DLGAP2: variants seen among roughly 807,000 people sequenced by gnomAD.
DLGAP2 encodes the protein DLG associated protein 2.
A neutral mutation model predicts 100.3 loss-of-function variants in DLGAP2; 26 were observed. That is an observed-to-expected ratio of 0.26 (90% CI 0.19 to 0.36). DLGAP2 has a LOEUF of 0.36. Ranked by LOEUF, DLGAP2 falls within the 10% of genes least tolerant of loss-of-function variation. The pLI, the probability that DLGAP2 is intolerant of heterozygous loss-of-function variation, is 1.00. For missense variants in DLGAP2, 1,858 were observed against 1,453.2 expected (o/e 1.28, Z -4.53); for synonymous variants, 886 against 630.1 (o/e 1.41, Z -6.08).
chr8:1,477,645 C>T (rs1236348690), intron 3 of DLGAP2, among the ~76,000 whole-genome samples: 1 of 152,228 alleles, frequency 6.6e-6, no homozygotes, highest in Non-Finnish European at 1.5e-5. Flanking sequence ...TTCTGCCCAT[C>T]TGCACCCAGG....
At chr8:1,056,882 C>T (rs1802897481) in intron 2 of DLGAP2, among the ~76,000 whole-genome samples, 1 of 152,214 alleles carries the variant, frequency 6.6e-6, no homozygotes, top group Admixed American at 6.5e-5. Flanking sequence ...TAGTAAATAG[C>T]ATTTCCCCCT....
At chr8:737,861 G>C (rs1389656687) in intron 1 of DLGAP2, 36 bp downstream of exon 1, 1 of 374,674 alleles carries the variant, frequency 2.7e-6, no homozygotes, top group South Asian at 1.3e-4. Flanking sequence ...AGCCGGGCGC[G>C]GGGCTCCGAG....
intron 3 of DLGAP2, among the ~76,000 whole-genome samples, chr8:1,368,158 A>G (rs1802150819): frequency 6.6e-6 from 1 of 152,044 alleles, no homozygotes. Context: ...TTTGTAGTGC[A>G]CATACGTGTG....
chr8:1,328,317 A>ATAT (rs953412358), intron 3 of DLGAP2, among the ~76,000 whole-genome samples: 6 of 145,356 alleles, frequency 4.1e-5, no homozygotes, highest in South Asian at 2.2e-4. Context: ...TGTACAGTTA[A>ATAT]TATTATTATT....
At chr8:826,896 G>A (rs967061572) in intron 1 of DLGAP2, among the ~76,000 whole-genome samples, 7 of 152,134 alleles carry the variant, frequency 4.6e-5, no homozygotes, top group Admixed American at 2.0e-4. Flanking sequence ...AGTCTTTCTC[G>A]TGAATGTTTT....
At chr8:1,322,189 A>G (rs538113837) in intron 3 of DLGAP2, among the ~76,000 whole-genome samples, 78 of 152,360 alleles carry the variant, frequency 5.1e-4, no homozygotes, top group African/African-American at 1.8e-3. Context: ...TTTAATTTTG[A>G]ATTAATTAGC....
intron 2 of DLGAP2, among the ~76,000 whole-genome samples, chr8:1,241,447 C>G (rs981374358): frequency 6.6e-6 from 1 of 152,220 alleles, no homozygotes; most frequent in Non-Finnish European, 1.5e-5. Context: ...GGAGCTCTCT[C>G]ACACCCTGAC....
chr8:1,318,253 T>C (rs1483649772), intron 3 of DLGAP2, among the ~76,000 whole-genome samples: 1 of 152,208 alleles, frequency 6.6e-6, no homozygotes, highest in Non-Finnish European at 1.5e-5. Flanking sequence ...AACTTTGATT[T>C]CTCCAAATCG....
intron 1 of DLGAP2, among the ~76,000 whole-genome samples, chr8:881,666 A>ATGTGTGTAT: frequency 7.6e-6 from 1 of 131,048 alleles, no homozygotes; most frequent in African/African-American, 2.7e-5. Flanking sequence ...CTTGTGGCTG[A>ATGTGTGTAT]ACACACACAC....
chr8:1,609,634 A>G (rs1796930482), intron 6 of DLGAP2, among the ~76,000 whole-genome samples: 1 of 120,746 alleles, frequency 8.3e-6, no homozygotes, highest in African/African-American at 2.8e-5. Flanking sequence ...TGCTGTATTC[A>G]GGAAACCCAT....
intron 2 of DLGAP2, chr8:1,247,096 G>A (rs1470828018): frequency 2.3e-3 from 437 of 187,860 alleles, no homozygotes; most frequent in African/African-American, 3.0e-3. Flanking sequence ...GTCGGTGGCC[G>A]GCAAGACCTT....
intron 2 of DLGAP2, among the ~76,000 whole-genome samples, chr8:1,254,999 C>T (rs557329382): frequency 8.9e-6 from 1 of 112,246 alleles, no homozygotes; most frequent in African/African-American, 4.8e-5. Flanking sequence ...TGTGTCCTCT[C>T]ATCCTGCTTG....
intron 2 of DLGAP2, among the ~76,000 whole-genome samples, chr8:1,156,066 G>A (rs973925232): frequency 2.6e-5 from 4 of 152,250 alleles, no homozygotes; most frequent in African/African-American, 7.2e-5. Flanking sequence ...TGCCCCTCCC[G>A]CCATTAAGCA....
At chr8:1,547,008 C>G (rs1191454107) in intron 4 of DLGAP2, among the ~76,000 whole-genome samples, 2 of 152,112 alleles carry the variant, frequency 1.3e-5, no homozygotes, top group Non-Finnish European at 2.9e-5. Flanking sequence ...GAGGACGGCA[C>G]ACAGCAAGGC....
At position 886,470 on chromosome 8, in the gene DLGAP2, C is replaced by G. The variant is rs189339352; in HGVS notation, c.19-21442C>G. On this transcript the variant is annotated intron_variant, in intron 1 of 14. Transcript: ENST00000637795. ...TCTTATAATTGCACTGTTGGGGTGT[C>G]TATCTGACATCTTTCTAACTTTCTG... is the stretch of plus-strand genomic sequence containing the variant. Among the ~76,000 whole-genome samples, 7 of 152,242 alleles carry G rather than the reference C, an allele frequency of 4.6e-5. No homozygotes were observed. The South Asian group carries it at 6.2e-4, about 14-fold the overall frequency.
intron 2 of DLGAP2, among the ~76,000 whole-genome samples, chr8:1,180,745 G>A (rs1797367598): frequency 6.6e-6 from 1 of 151,288 alleles, no homozygotes; most frequent in Admixed American, 6.6e-5. Context: ...TTGAGTCTGT[G>A]TGGGTGTGCC....
intron 4 of DLGAP2, among the ~76,000 whole-genome samples, chr8:1,532,467 T>G (rs1801016947): frequency 6.6e-6 from 1 of 152,190 alleles, no homozygotes; most frequent in South Asian, 2.1e-4. Flanking sequence ...GCAGTGTCTT[T>G]GTTTAAGAGT....
chr8:1,602,268 T>A (rs181405651), intron 6 of DLGAP2, among the ~76,000 whole-genome samples: 1 of 152,356 alleles, frequency 6.6e-6, no homozygotes, highest in Admixed American at 6.5e-5. Flanking sequence ...TTCTAATTAA[T>A]GACATTCTAG....
At chr8:1,387,192 C>T (rs1323200124) in intron 3 of DLGAP2, among the ~76,000 whole-genome samples, 1 of 152,130 alleles carries the variant, frequency 6.6e-6, no homozygotes, top group Non-Finnish European at 1.5e-5. Context: ...GAGGGCTTGT[C>T]TGTGGGAAGA....
Sources: allele counts gnomAD v4.1 joint callset (sites outside exome capture counted in the v4.1 genomes callset), GRCh38; gene constraint gnomAD v4.1.1; transcripts MANE v1.5; gene names NCBI Gene and HGNC (gene_info 2026-07-23, HGNC 2026-07-21).